The following MAP4 variants were observed in gnomAD, a reference collection of about 807,000 sequenced individuals.
MAP4 encodes the protein microtubule-associated protein 4.
A neutral mutation model predicts 170.2 loss-of-function variants in MAP4; 76 were observed. The observed-to-expected ratio is 0.45, with a 90% CI of 0.37 to 0.54. The LOEUF (loss-of-function observed/expected upper bound fraction) is 0.54. MAP4 is among the 20% of genes least tolerant of loss of function. The pLI is 0.00. For missense variants in MAP4, 2,506 were observed against 2,748.0 expected (o/e 0.91, Z 1.97); for synonymous variants, 909 against 994.5 (o/e 0.91, Z 1.62).
chr3:47,995,070 A>G (rs2100094594), intron 2 of MAP4, among the ~76,000 whole-genome samples: 1 of 152,110 alleles, frequency 6.6e-6, no homozygotes, highest in African/African-American at 2.4e-5. Flanking sequence ...GTTTTACCGT[A>G]CATCCCTTTG....
intron 3 of MAP4, among the ~76,000 whole-genome samples, chr3:47,941,506 G>A (rs1048870235): frequency 4.0e-5 from 6 of 151,814 alleles, no homozygotes; most frequent in Non-Finnish European, 5.9e-5. Flanking sequence ...GGCTGGGCTC[G>A]GTGGCTCACG....
chr3:47,892,656 C>A, intron 10 of MAP4: 2 of 1,367,602 alleles, frequency 1.5e-6, no homozygotes, highest in Non-Finnish European at 1.9e-6. Context: ...ATTAAATGCA[C>A]TTACAAATGT....
upstream of MAP4, among the ~76,000 whole-genome samples, chr3:48,018,289 CCTT>C (rs2100108817): frequency 6.6e-6 from 1 of 152,140 alleles, no homozygotes; most frequent in Non-Finnish European, 1.5e-5. Flanking sequence ...GATGTGCACA[CCTT>C]CTCTGTTCCT....
At chr3:47,920,396 T>G (rs554718168) in intron 5 of MAP4, among the ~76,000 whole-genome samples, 1 of 151,772 alleles carries the variant, frequency 6.6e-6, no homozygotes, top group Non-Finnish European at 1.5e-5. Flanking sequence ...CATGAGCCAT[T>G]AGGCCCAGCC....
rs932391281 is a variant in MAP4 at position 47,891,664 on chromosome 3, C to A, written c.5434+11286G>T. 2.0e-6 allele frequency: 3 copies of A among 1,536,238 alleles called. No homozygotes were observed. In the East Asian group the frequency reaches 7.3e-5, roughly 38 times the overall value. ...CCTCCTCGGTAGAACTCAATTTCTC[C>A]AACTCCTTATCATGGTCTCTGATGT... On this transcript the variant is annotated intron_variant, in intron 10 of 20. Transcript: ENST00000683076.
At chr3:48,021,353 G>GT (rs532414824), upstream of MAP4, among the ~76,000 whole-genome samples, 228 of 142,170 alleles carry the variant, frequency 1.6e-3, no homozygotes, top group Admixed American at 2.7e-3. Context: ...GTTTGTTTTT[G>GT]TTTTTTTTTT....
intron 1 of MAP4, among the ~76,000 whole-genome samples, chr3:48,000,717 A>G (rs2100098651): frequency 6.6e-6 from 1 of 152,208 alleles, no homozygotes; most frequent in Non-Finnish European, 1.5e-5. Context: ...GTTGTTTACA[A>G]TGGAAGAATC....
At chr3:47,915,385 G>A (rs1323272215) in intron 7 of MAP4, among the ~76,000 whole-genome samples, 1 of 152,138 alleles carries the variant, frequency 6.6e-6, no homozygotes, top group Admixed American at 6.5e-5. Context: ...CAAAGTGCTG[G>A]GATTACAGGT....
intron 3 of MAP4, among the ~76,000 whole-genome samples, chr3:47,933,664 G>C (rs1418237157): frequency 6.7e-6 from 1 of 149,854 alleles, no homozygotes; most frequent in African/African-American, 2.5e-5. Context: ...GCAGTGGCGC[G>C]ATCTGGGCTC....
Position 47,911,224 on chromosome 3 carries a change from C to A in MAP4, c.3197G>T (p.Gly1066Val). 6.5e-7 allele frequency: 1 copy of A among 1,536,098 alleles called. No homozygotes were observed. The highest frequency in any genetic ancestry group is 8.7e-7 in the Non-Finnish European group (1 of 1,146,902). Reference sequence around the variant, plus strand: ...ATCTGTTCTCATTTTCCCAGAACTTCCCCTTCCCTTCCTGCTTTTGCCATC... The same window carrying A: ...ATCTGTTCTCATTTTCCCAGAACTTACCCTTCCCTTCCTGCTTTTGCCATC... Reference protein sequence around the residue: ...AGDGKSRKGRGSSGKMRTDSG... With the variant: ...AGDGKSRKGRVSSGKMRTDSG... The change falls in exon 9 of 21, where the codon GGA becomes GTA. Residue 1066 changes from glycine to valine, a missense_variant. By Grantham distance (109) the Gly-to-Val change is moderately radical (BLOSUM62 -3). Coordinates refer to ENST00000683076, the MANE Select transcript of MAP4 (RefSeq NM_001385682.1). The surrounding 1 kb of genome is among the most constrained non-coding windows in gnomAD (Gnocchi z 4.0).
At position 47,912,477 on chromosome 3, in the gene MAP4, A is replaced by G; in HGVS notation, c.2000-56T>C. The stretch of plus-strand genomic sequence containing the variant: ...TTGTTTCTTAAAAACAACAAAAAAC[A>G]AACAAACAAACAAAAAAACCAGACC... On this transcript the variant is annotated intron_variant, in intron 8 of 20. Coordinates refer to ENST00000683076, the MANE Select transcript of MAP4 (RefSeq NM_001385682.1). 4.3e-6 allele frequency: 6 copies of G among 1,405,984 alleles called. No individual in the cohort carries two copies. The Admixed American group carries it at 1.1e-4, about 27-fold the overall frequency. 87.1% of individuals were successfully genotyped at this position (1,405,984 alleles called of 1,614,324 possible). A position where few individuals can be genotyped will look rare whatever the true frequency, so the allele number is the denominator to read the frequency against.
chr3:47,977,687 T>C (rs1446678075), intron 3 of MAP4, among the ~76,000 whole-genome samples, 178 bp downstream of exon 3: 1 of 152,220 alleles, frequency 6.6e-6, no homozygotes, highest in Non-Finnish European at 1.5e-5. Context: ...TTATTCTCCT[T>C]CCATTGTTGG....
chr3:47,941,629 A>AC (rs1553642145), intron 3 of MAP4, among the ~76,000 whole-genome samples: 2 of 148,378 alleles, frequency 1.3e-5, no homozygotes, highest in African/African-American at 4.9e-5. Context: ...AACAAAAACA[A>AC]AAAAAAAAAA....
At chr3:48,086,160 A>T (rs573333370) in intron 1 of MAP4, among the ~76,000 whole-genome samples, 33 of 152,124 alleles carry the variant, frequency 2.2e-4, no homozygotes, top group Non-Finnish European at 4.3e-4. Context: ...ACTCACACAC[A>T]CACACACACA....
chr3:48,000,708 T>C (rs2100098643), intron 1 of MAP4, among the ~76,000 whole-genome samples: 1 of 152,192 alleles, frequency 6.6e-6, no homozygotes, highest in Non-Finnish European at 1.5e-5. Flanking sequence ...TCTATTTCTG[T>C]TGTTTACAAT....
chr3:47,877,735 T>C (rs1045227975), intron 10 of MAP4: 5 of 418,100 alleles, frequency 1.2e-5, no homozygotes, highest in African/African-American at 4.0e-5. Context: ...AGCCTGACCC[T>C]GTGGAGAAGC....
chr3:47,892,493 G>A (rs1011366409), intron 10 of MAP4: 1 of 1,522,632 alleles, frequency 6.6e-7, no homozygotes, highest in African/African-American at 1.4e-5. Context: ...GAGCGACATC[G>A]TCTCTCCTCC....
intron 10 of MAP4, among the ~76,000 whole-genome samples, chr3:47,888,400 G>A (rs1239804753): frequency 7.2e-5 from 11 of 152,192 alleles, no homozygotes; most frequent in Admixed American, 4.6e-4. Context: ...CACTCACCGC[G>A]AAGATCTGCA....
intron 3 of MAP4, among the ~76,000 whole-genome samples, chr3:47,929,889 G>C (rs964623347): frequency 2.6e-5 from 4 of 152,150 alleles, no homozygotes; most frequent in African/African-American, 9.7e-5. Flanking sequence ...TGCACTTTGG[G>C]AGGCCGAGGC....
Sources: gnomAD v4.1 joint callset for allele counts (sites outside exome capture counted in the v4.1 genomes callset) on GRCh38, gnomAD v4.1.1 for gene constraint, Gnocchi (gnomAD v3.1) non-coding constraint, MANE v1.5 for transcripts, NCBI Gene and HGNC (gene_info 2026-07-23, HGNC 2026-07-21) for gene names.